The following RDM1 variants were observed in gnomAD, a reference collection of about 807,000 sequenced individuals.
RDM1 encodes the protein RAD52 motif containing 1.
In RDM1, 28 loss-of-function variants were observed where a neutral mutation model predicts 27.7. The observed-to-expected ratio is 1.01, with a 90% CI of 0.75 to 1.39. The LOEUF (loss-of-function observed/expected upper bound fraction) is 1.39, where lower values mean the gene tolerates loss of function less well. RDM1 is among the 40% of genes most tolerant of loss of function. The pLI is 0.00. For missense variants in RDM1, 277 were observed against 337.3 expected (o/e 0.82, Z 1.40); for synonymous variants, 124 against 127.5 (o/e 0.97, Z 0.19).
chr17:35,920,201 G>T lies in RDM1; in HGVS notation c.739C>A (p.His247Asn). The change falls in exon 6 of 7, where the codon CAC becomes AAC. Residue 247 changes from histidine to asparagine, a missense_variant. Physicochemically the swap from His to Asn is moderately conservative, Grantham distance 68. Transcript: ENST00000620284. ...IVGVRCEEELHGLIQVPCSPW... is the reference protein window; with the variant it reads ...IVGVRCEEELNGLIQVPCSPW... ...TCTTCACATACTTGAATTAAACCGT[G>T]TAGTTCTTCTTCGCATCTGACACCT... 1 of 1,574,464 alleles carries T rather than the reference G, an allele frequency of 6.4e-7. No individual in the cohort carries two copies. Among genetic ancestry groups the T allele is most frequent in the Non-Finnish European group, 8.7e-7 (1 of 1,146,576 alleles).
At chr17:35,930,482 G>A (rs2089289901) in intron 1 of RDM1, 150 bp downstream of exon 1, 1 of 880,880 alleles carries the variant, frequency 1.1e-6, no homozygotes, top group Non-Finnish European at 1.7e-6. Flanking sequence ...TCTGTTGGGG[G>A]TCGTCAGTTG....
chr17:35,920,038 G>A (rs2088884622), intron 6 of RDM1, 149 bp downstream of exon 6: 2 of 499,716 alleles, frequency 4.0e-6, no homozygotes, highest in African/African-American at 2.0e-5. Flanking sequence ...AAGACTTCAG[G>A]AAAAGCCCCA....
At chr17:35,925,061 G>A (rs987609108) in intron 3 of RDM1, among the ~76,000 whole-genome samples, 48 of 152,128 alleles carry the variant, frequency 3.2e-4, no homozygotes, top group African/African-American at 1.2e-3. Context: ...TTGTACCCAG[G>A]AGGCAGATTT....
chr17:35,930,549 G>C, intron 1 of RDM1, 83 bp downstream of exon 1: 2 of 1,307,166 alleles, frequency 1.5e-6, no homozygotes, highest in Admixed American at 4.1e-5. Flanking sequence ...AGGCAGGTGA[G>C]GGTCTGAGGC....
intron 6 of RDM1, 83 bp from the exon 7 acceptor site, chr17:35,918,526 C>T: frequency 9.1e-7 from 1 of 1,098,880 alleles, no homozygotes; most frequent in Non-Finnish European, 1.4e-6. Flanking sequence ...TTTTGCTAAA[C>T]TTTCCATATC....
At chr17:35,921,384 G>A (rs1352708260) in intron 5 of RDM1, among the ~76,000 whole-genome samples, 1 of 152,230 alleles carries the variant, frequency 6.6e-6, no homozygotes, top group Non-Finnish European at 1.5e-5. Context: ...AACTTAATTA[G>A]GATCTCTCAG....
intron 2 of RDM1, among the ~76,000 whole-genome samples, chr17:35,928,932 A>C (rs746210503): frequency 6.6e-6 from 1 of 151,774 alleles, no homozygotes; most frequent in Non-Finnish European, 1.5e-5. Flanking sequence ...AAAATTAGCC[A>C]GGTGTGGTGG....
chr17:35,918,133 G>A lies in RDM1; in HGVS notation c.*209C>T, dbSNP rs2088809758. Reference sequence around the variant, plus strand: ...GTTCGAGATCCGCTCCTCGTCACCAGGGCGATCTTATCCCACAATCCTACC... The same window carrying A: ...GTTCGAGATCCGCTCCTCGTCACCAAGGCGATCTTATCCCACAATCCTACC... On this transcript the variant is annotated 3_prime_UTR_variant, in exon 7 of 7. Transcript: ENST00000620284. 1 of 592,566 alleles carries A rather than the reference G, an allele frequency of 1.7e-6. No homozygotes were observed. Among genetic ancestry groups the A allele is most frequent in the African/African-American group, 1.9e-5 (1 of 53,690 alleles). 36.7% of individuals were successfully genotyped at this position (592,566 alleles called of 1,614,324 possible). A position where few individuals can be genotyped will look rare whatever the true frequency, so the allele number is the denominator to read the frequency against.
Position 35,930,756 on chromosome 17 carries a change from C to A in RDM1, c.-29G>T, listed in dbSNP as rs764388591. The A allele has an allele frequency of 6.2e-7, 1 of 1,605,674 alleles. No homozygotes were observed. Among genetic ancestry groups the A allele is most frequent in the East Asian group, 2.2e-5 (1 of 44,736 alleles). ...CCCTTCACCGCACCTGCGCGGCTAA[C>A]CCTCGCCCCAGCATTGCGCCTGCGC... On this transcript the variant is annotated 5_prime_UTR_variant, in exon 1 of 7. Transcript: ENST00000620284.
Position 35,922,979 on chromosome 17 carries a change from C to T in RDM1, c.569-304G>A, listed in dbSNP as rs1013331614. ...TCAGTTAAGGCTACACTCCTACAGA[C>T]CCTACCCTCCTATGCATCAAGGGCT... On this transcript the variant is annotated intron_variant, in intron 4 of 6. Coordinates refer to ENST00000620284, the MANE Select transcript of RDM1 (RefSeq NM_145654.4). Among the ~76,000 whole-genome samples the T allele has an allele frequency of 3.3e-5, 5 of 152,276 alleles. 1 individual carries two copies.
intron 5 of RDM1, chr17:35,922,295 T>C: frequency 4.7e-6 from 2 of 421,328 alleles, no homozygotes; most frequent in Non-Finnish European, 8.4e-6. Context: ...CACTATTCTG[T>C]ATGATAGGTA....
chr17:35,924,121 T>C (rs942240378), intron 4 of RDM1, among the ~76,000 whole-genome samples: 1 of 151,988 alleles, frequency 6.6e-6, no homozygotes, highest in African/African-American at 2.4e-5. Flanking sequence ...CTCAAGAGGC[T>C]GAGGCAGGAG....
rs530117688 is a variant in RDM1 at position 35,924,484 on chromosome 17, A to G, written c.568+120T>C. Reference sequence around the variant, plus strand: ...GAAAAACTCTGCCCAGGACTTCAGTAGCTCAGAGAGGGAGGGGCTTGATAT... The same window carrying G: ...GAAAAACTCTGCCCAGGACTTCAGTGGCTCAGAGAGGGAGGGGCTTGATAT... On this transcript the variant is annotated intron_variant, in intron 4 of 6. Transcript: ENST00000620284. 1.1e-4 allele frequency: 119 copies of G among 1,050,120 alleles called. No individual in the cohort carries two copies. The East Asian group carries it at 2.5e-3, about 22-fold the overall frequency. 65.1% of individuals were successfully genotyped at this position (1,050,120 alleles called of 1,614,324 possible).
At chr17:35,921,575 A>G (rs2088945751) in intron 5 of RDM1, among the ~76,000 whole-genome samples, 1 of 152,232 alleles carries the variant, frequency 6.6e-6, no homozygotes. Flanking sequence ...ACGGCAAAGC[A>G]GCTGATTTTT....
intron 5 of RDM1, among the ~76,000 whole-genome samples, chr17:35,921,969 G>A (rs897653662): frequency 2.2e-5 from 3 of 139,010 alleles, no homozygotes; most frequent in Admixed American, 7.9e-5. Flanking sequence ...CACCCAGGCT[G>A]GAGAGCAGTG....
intron 2 of RDM1, among the ~76,000 whole-genome samples, chr17:35,928,017 A>G (rs2089206584): frequency 6.6e-6 from 1 of 152,310 alleles, no homozygotes; most frequent in Admixed American, 6.5e-5. Flanking sequence ...ACAGGCTAAG[A>G]GGGCATTGAA....
intron 2 of RDM1, among the ~76,000 whole-genome samples, chr17:35,925,893 G>A (rs2089130370): frequency 6.6e-6 from 1 of 152,158 alleles, no homozygotes; most frequent in Admixed American, 6.5e-5. Context: ...CCAGCACTTT[G>A]GGAGGCTGAG....
At chr17:35,924,858 G>A in intron 3 of RDM1, 86 bp from the exon 4 acceptor site, 2 of 1,381,864 alleles carry the variant, frequency 1.4e-6, no homozygotes, top group Admixed American at 1.9e-5. Flanking sequence ...AAACTTGGCT[G>A]GGCGTGGTGG....
intron 4 of RDM1, among the ~76,000 whole-genome samples, chr17:35,923,567 G>A (rs762380068): frequency 6.6e-6 from 1 of 151,796 alleles, no homozygotes; most frequent in African/African-American, 2.4e-5. Flanking sequence ...GGAGGCTGAG[G>A]CAGGAGAATC....
Sources: allele counts gnomAD v4.1 joint callset (sites outside exome capture counted in the v4.1 genomes callset), GRCh38; gene constraint gnomAD v4.1.1; transcripts MANE v1.5; gene names NCBI Gene and HGNC (gene_info 2026-07-23, HGNC 2026-07-21).